RSL24D1: variants seen among roughly 807,000 people sequenced by gnomAD.
RSL24D1 encodes the protein probable ribosome biogenesis protein RLP24.
In RSL24D1, 6 loss-of-function variants were observed where a neutral mutation model predicts 26.2. That is an observed-to-expected ratio of 0.23 (90% confidence interval 0.13 to 0.45). The LOEUF (loss-of-function observed/expected upper bound fraction) is 0.45, where lower values mean the gene tolerates loss of function less well. RSL24D1 is among the 20% of genes least tolerant of loss of function. The pLI, the probability that RSL24D1 is intolerant of heterozygous loss-of-function variation, is 0.99. For missense variants in RSL24D1, 176 were observed against 202.6 expected (o/e 0.87, Z 0.80); for synonymous variants, 61 against 59.1 (o/e 1.03, Z -0.15).
chr15:55,183,876 T>C (rs1894196529), intron 4 of RSL24D1, among the ~76,000 whole-genome samples: 1 of 152,206 alleles, frequency 6.6e-6, no homozygotes, highest in African/African-American at 2.4e-5. Context: ...AATACATATT[T>C]GCTAAGTAAA....
intron 4 of RSL24D1, among the ~76,000 whole-genome samples, chr15:55,184,652 T>C (rs1011649664): frequency 1.2e-4 from 19 of 152,172 alleles, no homozygotes; most frequent in African/African-American, 4.6e-4. Flanking sequence ...CCAAAATACG[T>C]ACTGATTATA....
chr15:55,193,063 G>A lies in RSL24D1; in HGVS notation c.82-230C>T, dbSNP rs139001019. On this transcript the variant is annotated intron_variant, in intron 1 of 5. Transcript: ENST00000260443. ...TTTTAAATTACTAATCATTTATATA[G>A]AATAACAGTAAAATTATTTCAAATA... Among the ~76,000 whole-genome samples the A allele has an allele frequency of 1.1e-4, 17 of 152,228 alleles. No individual in the cohort carries two copies. In the East Asian group the frequency reaches 2.5e-3, roughly 22 times the overall value.
intron 1 of RSL24D1, chr15:55,196,609 A>G (rs1027587190): frequency 3.3e-6 from 2 of 602,222 alleles, no homozygotes; most frequent in Non-Finnish European, 5.9e-6. Context: ...CGTGGTGGCC[A>G]GCGCCGCTCG....
intron 2 of RSL24D1, 76 bp downstream of exon 2, chr15:55,192,644 A>G (rs1894310433): frequency 2.0e-6 from 2 of 994,552 alleles, no homozygotes; most frequent in African/African-American, 3.2e-5. Flanking sequence ...GTTATGATTG[A>G]TTAGATGACA....
chr15:55,190,410 AAAAC>A (rs1186713848), intron 3 of RSL24D1, among the ~76,000 whole-genome samples: 4 of 148,750 alleles, frequency 2.7e-5, no homozygotes, highest in Non-Finnish European at 4.5e-5. Context: ...AAAACAAAAC[AAAAC>A]AAAAAAAACA....
intron 3 of RSL24D1, among the ~76,000 whole-genome samples, chr15:55,186,883 A>G (rs149878891): frequency 7.7e-4 from 118 of 152,306 alleles, no homozygotes; most frequent in African/African-American, 2.7e-3. Flanking sequence ...AGAAAAATAT[A>G]CACTAAAGGG....
chr15:55,184,767 G>T (rs528903053), intron 4 of RSL24D1, among the ~76,000 whole-genome samples: 1 of 152,124 alleles, frequency 6.6e-6, no homozygotes, highest in Non-Finnish European at 1.5e-5. Flanking sequence ...TGTGCTTCCC[G>T]ATATGATGCA....
intron 1 of RSL24D1, 25 bp downstream of exon 1, chr15:55,196,785 C>T: frequency 6.3e-7 from 1 of 1,599,364 alleles, no homozygotes; most frequent in Non-Finnish European, 8.5e-7. Flanking sequence ...TAGGCTGAAG[C>T]AAGAACTGGT....
At chr15:55,185,783 A>G (rs1268018244) in intron 3 of RSL24D1, among the ~76,000 whole-genome samples, 1 of 152,196 alleles carries the variant, frequency 6.6e-6, no homozygotes, top group East Asian at 1.9e-4. Flanking sequence ...CCATGAATAA[A>G]GACAGCATCT....
chr15:55,187,748 G>A (rs940853074), intron 3 of RSL24D1, among the ~76,000 whole-genome samples: 4 of 151,778 alleles, frequency 2.6e-5, no homozygotes, highest in Admixed American at 2.0e-4. Flanking sequence ...TCAGAAGGGG[G>A]AGTGGGGTGG....
rs747896104 is a variant in RSL24D1 at position 55,183,367 on chromosome 15, C to T, written c.366G>A (p.Gln122=). ...LKKNKELQKV[Q]DIKEVKQNIH... ...TGTTTTGCTTGACTTCTTTGATATCCTGAACTTTCTGTAGCTCTTTATTTT... is the reference window on the plus strand; with the variant it reads ...TGTTTTGCTTGACTTCTTTGATATCTTGAACTTTCTGTAGCTCTTTATTTT... The change falls in exon 5 of 6, where the codon CAG becomes CAA. Residue 122 remains glutamine (Q), a synonymous_variant. Transcript: ENST00000260443. The T allele has an allele frequency of 9.9e-6, 16 of 1,612,006 alleles. No individual in the cohort carries two copies. The highest frequency in any genetic ancestry group is 1.4e-5 in the Non-Finnish European group (16 of 1,179,532).
At chr15:55,192,170 A>G (rs1488266600) in intron 2 of RSL24D1, among the ~76,000 whole-genome samples, 1 of 152,186 alleles carries the variant, frequency 6.6e-6, no homozygotes, top group African/African-American at 2.4e-5. Flanking sequence ...TGTAGCCTGT[A>G]CTGCATTTTC....
chr15:55,190,227 G>A (rs1894277899), intron 3 of RSL24D1, among the ~76,000 whole-genome samples: 1 of 125,690 alleles, frequency 8.0e-6, no homozygotes, highest in Non-Finnish European at 1.6e-5. Context: ...CAGCCGGTGG[G>A]ACAGAGCAAG....
intron 3 of RSL24D1, among the ~76,000 whole-genome samples, chr15:55,189,069 T>C (rs1397646235): frequency 6.6e-6 from 1 of 151,926 alleles, no homozygotes; most frequent in Non-Finnish European, 1.5e-5. Context: ...GGCGTGTGCC[T>C]GTAGTCCCAG....
rs1894309760 is a variant in RSL24D1 at position 55,192,604 on chromosome 15, G to A, written c.195+116C>T. ...ATTTCCACAGCCAAATACAAATAAG[G>A]TACTTATTAATCATGTTATAGGAGG... is the stretch of plus-strand genomic sequence containing the variant. On this transcript the variant is annotated intron_variant, in intron 2 of 5. Coordinates refer to ENST00000260443, the MANE Select transcript of RSL24D1 (RefSeq NM_016304.3). 1.1e-5 allele frequency: 7 copies of A among 641,244 alleles called. No individual in the cohort carries two copies. In the South Asian group the frequency reaches 1.5e-4, roughly 13 times the overall value. The allele number at this position is 641,244 out of a possible 1,614,324, so 39.7% of individuals were successfully genotyped here. A position where few individuals can be genotyped will look rare whatever the true frequency, so the allele number is the denominator to read the frequency against.
At chr15:55,186,846 G>T (rs988212383) in intron 3 of RSL24D1, among the ~76,000 whole-genome samples, 1 of 152,068 alleles carries the variant, frequency 6.6e-6, no homozygotes, top group African/African-American at 2.4e-5. Flanking sequence ...TAGGGACCAA[G>T]AAGTATTTTG....
At chr15:55,193,937 C>G (rs979813764) in intron 1 of RSL24D1, among the ~76,000 whole-genome samples, 2 of 152,114 alleles carry the variant, frequency 1.3e-5, no homozygotes, top group African/African-American at 4.8e-5. Flanking sequence ...ATATGAAAAT[C>G]ATTGTGAAAT....
At chr15:55,184,401 C>T (rs898042531) in intron 4 of RSL24D1, among the ~76,000 whole-genome samples, 1 of 152,042 alleles carries the variant, frequency 6.6e-6, no homozygotes, top group African/African-American at 2.4e-5. Flanking sequence ...CATGAATACA[C>T]ACAGATGTAA....
Position 55,182,017 on chromosome 15 carries a change from A to G in RSL24D1, c.*135T>C. The G allele has an allele frequency of 3.3e-6, 2 of 597,124 alleles. No individual in the cohort carries two copies. Among genetic ancestry groups the G allele is most frequent in the South Asian group, 2.3e-5 (1 of 43,968 alleles). The allele number at this position is 597,124 out of a possible 1,614,324, so 37.0% of individuals were successfully genotyped here. A position where few individuals can be genotyped will look rare whatever the true frequency, so the allele number is the denominator to read the frequency against. On this transcript the variant is annotated 3_prime_UTR_variant, in exon 6 of 6. Coordinates refer to ENST00000260443, the MANE Select transcript of RSL24D1 (RefSeq NM_016304.3). ...ATCCGTAATATCTGATATTATGTAG[A>G]TGGCAATGCAGGAAAGATGTCTTTT...
Sources: allele counts gnomAD v4.1 joint callset (sites outside exome capture counted in the v4.1 genomes callset), GRCh38; gene constraint gnomAD v4.1.1; transcripts MANE v1.5; gene names NCBI Gene and HGNC (gene_info 2026-07-23, HGNC 2026-07-21).